The following TRAPPC9 variants were observed in gnomAD, a reference collection of about 807,000 sequenced individuals.
TRAPPC9 encodes the protein IKK2 binding protein.
TRAPPC9 carries 83 observed loss-of-function variants against 124.0 expected under a neutral mutation model. The observed-to-expected ratio is 0.67, with a 90% CI of 0.56 to 0.80. TRAPPC9 has a LOEUF of 0.80. Among genes scored for constraint, TRAPPC9 ranks in the 30% least tolerant of loss-of-function variants. The pLI is 0.00. For synonymous variants in TRAPPC9, 638 were observed against 617.5 expected (o/e 1.03, Z -0.49); for missense variants, 1,302 against 1,508.3 (o/e 0.86, Z 2.27).
chr8:140,061,752 G>C (rs1380952013), intron 17 of TRAPPC9, among the ~76,000 whole-genome samples: 1 of 152,244 alleles, frequency 6.6e-6, no homozygotes, highest in South Asian at 2.1e-4. Context: ...GGGAGAGGCT[G>C]AGAATGGAGC....
intron 21 of TRAPPC9, among the ~76,000 whole-genome samples, chr8:139,780,299 G>A (rs531882040): frequency 3.5e-4 from 53 of 152,254 alleles, no homozygotes; most frequent in Non-Finnish European, 6.3e-4. Context: ...TGTGGTATTG[G>A]TGAAAGAAAT....
intron 7 of TRAPPC9, among the ~76,000 whole-genome samples, chr8:140,385,109 CT>C (rs1284252730): frequency 6.6e-6 from 1 of 152,196 alleles, no homozygotes; most frequent in Non-Finnish European, 1.5e-5. Context: ...TAAAGATGTT[CT>C]TTGAAACCAA....
At position 139,921,402 on chromosome 8, in the gene TRAPPC9, T is replaced by C. The variant is rs1356385017; in HGVS notation, c.2811-11102A>G. Among the ~76,000 whole-genome samples, 3 of 152,160 alleles carry C rather than the reference T, an allele frequency of 2.0e-5. No individual in the cohort carries two copies. In the East Asian group the frequency reaches 5.8e-4, roughly 29 times the overall value. ...ATGAATCAGAAACAAGCCCTTATCT[T>C]TCCAGGAGCTTCAGAAGCCCATGAG... is the stretch of plus-strand genomic sequence containing the variant. On this transcript the variant is annotated intron_variant, in intron 19 of 22. Coordinates refer to ENST00000438773, the MANE Select transcript of TRAPPC9 (RefSeq NM_001160372.4).
rs143168868 is a variant in TRAPPC9, at chr8:139,936,052, C to T, written c.2811-25752G>A. ...TGGTGCGAGCACAGGCCTGGAGTGG[C>T]GTCACATGCTCACGCTGACCTCCAC... On this transcript the variant is annotated intron_variant, in intron 19 of 22. Coordinates refer to ENST00000438773, the MANE Select transcript of TRAPPC9 (RefSeq NM_001160372.4). 2.8e-3 allele frequency among the ~76,000 whole-genome samples: 422 copies of T among 152,300 alleles called. 1 individual carries two copies. Among genetic ancestry groups the T allele is most frequent in the African/African-American group, 8.8e-3 (367 of 41,564 alleles).
intron 19 of TRAPPC9, among the ~76,000 whole-genome samples, chr8:139,911,595 C>T (rs1831733034): frequency 6.6e-6 from 1 of 151,958 alleles, no homozygotes; most frequent in Non-Finnish European, 1.5e-5. Flanking sequence ...GTCCCAGCTA[C>T]TCAGGAGGCT....
intron 17 of TRAPPC9, among the ~76,000 whole-genome samples, chr8:140,119,127 A>T (rs1019158127): frequency 5.3e-5 from 8 of 152,248 alleles, no homozygotes; most frequent in Admixed American, 5.2e-4. Flanking sequence ...AGGAGAAAAG[A>T]GGAGCAGAAA....
chr8:139,922,150 T>A (rs1315922101), intron 19 of TRAPPC9, among the ~76,000 whole-genome samples: 1 of 152,008 alleles, frequency 6.6e-6, no homozygotes, highest in Non-Finnish European at 1.5e-5. Context: ...TTATTTTCAT[T>A]TCCTTCCAAG....
At chr8:140,280,531 C>A (rs1459691375) in intron 14 of TRAPPC9, among the ~76,000 whole-genome samples, 2 of 152,036 alleles carry the variant, frequency 1.3e-5, no homozygotes, top group Non-Finnish European at 2.9e-5. Context: ...CAGGTTCAAG[C>A]GATTCTCCTG....
rs79660522 is a variant in TRAPPC9 at position 140,077,292 on chromosome 8, G to A, written c.2557-53213C>T. Among the ~76,000 whole-genome samples the A allele has an allele frequency of 4.6e-3, 696 of 152,296 alleles. 10 individuals are homozygous for A. Among genetic ancestry groups the A allele is most frequent in the African/African-American group, 0.016 (665 of 41,560 alleles). On this transcript the variant is annotated intron_variant, in intron 17 of 22. Coordinates refer to ENST00000438773, the MANE Select transcript of TRAPPC9 (RefSeq NM_001160372.4). ...TGAGGACAGGGATCATGGTTCACTTGTTCAACAGAAGATAATAAATAATGG... is the reference window on the plus strand; with the variant it reads ...TGAGGACAGGGATCATGGTTCACTTATTCAACAGAAGATAATAAATAATGG...
chr8:140,233,559 T>A (rs1338601996), intron 16 of TRAPPC9, among the ~76,000 whole-genome samples: 4 of 147,252 alleles, frequency 2.7e-5, no homozygotes, highest in African/African-American at 5.0e-5. Flanking sequence ...CCTCTCTCTC[T>A]CACACACACA....
intron 17 of TRAPPC9, among the ~76,000 whole-genome samples, chr8:140,217,147 G>A (rs2063215648): frequency 6.6e-6 from 1 of 152,260 alleles, no homozygotes; most frequent in African/African-American, 2.4e-5. Context: ...CAAAGAGGCA[G>A]AGTGAGGGAG....
chr8:140,403,653 A>G (rs1259402045), intron 6 of TRAPPC9, among the ~76,000 whole-genome samples: 1 of 141,960 alleles, frequency 7.0e-6, no homozygotes, highest in Admixed American at 7.3e-5. Flanking sequence ...CACTTTAAGA[A>G]AAGTATACTT....
At chr8:140,438,995 T>C in intron 3 of TRAPPC9, 57 bp downstream of exon 3, 4 of 1,611,912 alleles carry the variant, frequency 2.5e-6, no homozygotes, top group Non-Finnish European at 3.4e-6. Context: ...CAGCCTCTCA[T>C]TTTAATTAAC....
intron 21 of TRAPPC9, among the ~76,000 whole-genome samples, chr8:139,838,104 T>C (rs749288758): frequency 1.3e-5 from 2 of 152,166 alleles, no homozygotes; most frequent in Non-Finnish European, 2.9e-5. Flanking sequence ...CTTTGTGGAA[T>C]TCTCCCAGTT....
At chr8:139,937,489 A>G (rs1461287455) in intron 19 of TRAPPC9, among the ~76,000 whole-genome samples, 1 of 152,162 alleles carries the variant, frequency 6.6e-6, no homozygotes, top group African/African-American at 2.4e-5. Flanking sequence ...CGCTGCGGGG[A>G]CAGCGCTGGG....
chr8:140,156,739 T>A (rs1191127071), intron 17 of TRAPPC9, among the ~76,000 whole-genome samples: 1 of 152,062 alleles, frequency 6.6e-6, no homozygotes, highest in Non-Finnish European at 1.5e-5. Context: ...AAGAAAAGAG[T>A]ACCGCCACTG....
chr8:140,457,706 T>C lies in TRAPPC9; in HGVS notation c.-78A>G, dbSNP rs2071736504. On this transcript the variant is annotated 5_prime_UTR_variant, in exon 1 of 23. Transcript: ENST00000438773. ...GCGGGCAGCGGGGCCGAGCAGCCTCTGCGGCCACTTCCCAGGCTCTGGGCT... is the reference window on the plus strand; with the variant it reads ...GCGGGCAGCGGGGCCGAGCAGCCTCCGCGGCCACTTCCCAGGCTCTGGGCT... 2 of 988,264 alleles carry C rather than the reference T, an allele frequency of 2.0e-6. No individual in the cohort carries two copies. Among genetic ancestry groups the C allele is most frequent in the Non-Finnish European group, 2.4e-6 (2 of 831,758 alleles). 61.2% of individuals were successfully genotyped at this position (988,264 alleles called of 1,614,324 possible).
intron 17 of TRAPPC9, among the ~76,000 whole-genome samples, chr8:140,093,512 T>TA (rs770931221): frequency 3.8e-4 from 57 of 151,940 alleles, no homozygotes; most frequent in Non-Finnish European, 6.9e-4. Flanking sequence ...ACCAAAAATA[T>TA]AAAAAATTAG....
intron 19 of TRAPPC9, among the ~76,000 whole-genome samples, chr8:139,923,441 C>T (rs540767355): frequency 2.6e-5 from 4 of 152,292 alleles, no homozygotes; most frequent in Admixed American, 1.3e-4. Context: ...CGGCATTGCT[C>T]GCATTGGTGT....
Sources: allele counts gnomAD v4.1 joint callset (sites outside exome capture counted in the v4.1 genomes callset), GRCh38; gene constraint gnomAD v4.1.1; transcripts MANE v1.5; gene names NCBI Gene and HGNC (gene_info 2026-07-23, HGNC 2026-07-21).